PKHD1: variants seen among roughly 807,000 people sequenced by gnomAD.
The protein encoded by PKHD1 is fibrocystin.
PKHD1 carries 291 observed loss-of-function variants against 412.0 expected under a neutral mutation model. That is an observed-to-expected ratio of 0.71 (90% CI 0.64 to 0.78). PKHD1 has a LOEUF of 0.78. PKHD1 is among the 30% of genes least tolerant of loss of function. The pLI, the probability that PKHD1 is intolerant of heterozygous loss-of-function variation, is 0.00. For missense variants in PKHD1, 4,825 were observed against 4,950.7 expected (o/e 0.97, Z 0.76); for synonymous variants, 1,777 against 1,821.5 (o/e 0.98, Z 0.62).
rs1805754682 is a variant in PKHD1, at chr6:52,046,033, G to A, written c.2563C>T (p.Gln855Ter). The change falls in exon 24 of 67, where the codon CAG becomes TAG. Residue 855 changes from glutamine to a stop codon, truncating the protein, a stop_gained. Transcript: ENST00000371117. LOFTEE classifies it high-confidence loss of function. ...EHVWTLSWST[Q>*]IGDLPNFIRV... ...ATAAAATTGGGCAAATCCCCAATCT[G>A]AGTGGACCAGGACAAGGTCCACACG... The A allele has an allele frequency of 6.2e-7, 1 of 1,613,328 alleles. No individual in the cohort carries two copies. Among genetic ancestry groups the A allele is most frequent in the Non-Finnish European group, 8.5e-7 (1 of 1,179,610 alleles).
intron 36 of PKHD1, among the ~76,000 whole-genome samples, chr6:51,937,329 G>A (rs1051661144): frequency 1.3e-5 from 2 of 152,106 alleles, no homozygotes; most frequent in African/African-American, 2.4e-5. Flanking sequence ...AAACCAAGCT[G>A]TAGCCTGACC....
At chr6:51,654,488 A>G (rs1282889423) in intron 61 of PKHD1, among the ~76,000 whole-genome samples, 1 of 152,136 alleles carries the variant, frequency 6.6e-6, no homozygotes, top group Non-Finnish European at 1.5e-5. Context: ...AGAGTCTATT[A>G]TATTTACCTA....
intron 57 of PKHD1, among the ~76,000 whole-genome samples, chr6:51,751,267 G>A (rs1786072232): frequency 6.6e-6 from 1 of 151,828 alleles, no homozygotes; most frequent in African/African-American, 2.4e-5. Context: ...TAACAAATCA[G>A]TACCCATATC....
intron 57 of PKHD1, among the ~76,000 whole-genome samples, chr6:51,751,575 T>C (rs1051494417): frequency 2.6e-5 from 4 of 152,188 alleles, no homozygotes. Context: ...TCCAAAATTA[T>C]TACAAAATTA....
At position 51,754,957 on chromosome 6, in the gene PKHD1, G is replaced by A; in HGVS notation, c.8643-19C>T. The A allele has an allele frequency of 1.2e-6, 2 of 1,607,766 alleles. No homozygotes were observed. Among genetic ancestry groups the A allele is most frequent in the South Asian group, 2.2e-5 (2 of 90,958 alleles). The stretch of plus-strand genomic sequence containing the variant: ...TATAATTCTGTAACAGCATAACAAT[G>A]GCATTGGATATACTAACAGTGCAGC... On this transcript the variant is annotated intron_variant, in intron 55 of 66. Coordinates refer to ENST00000371117, the MANE Select transcript of PKHD1 (RefSeq NM_138694.4).
rs768138709 is a variant in PKHD1 at position 51,753,303 on chromosome 6, C to G, written c.8848G>C (p.Val2950Leu). The G allele has an allele frequency of 2.5e-6, 4 of 1,613,776 alleles. No homozygotes were observed. The East Asian group carries it at 8.9e-5, about 36-fold the overall frequency. ...DGRHIRLAAEVGLLTRNIQIQ... is the reference protein window; with the variant it reads ...DGRHIRLAAELGLLTRNIQIQ... ...TGTATATTTCGGGTCAACAGTCCAA[C>G]CTCAGCAGCCAAACGAATGTGTCGG... The change falls in exon 57 of 67, where the codon GTT becomes CTT. Residue 2950 changes from valine (V) to leucine (L), a missense_variant. Val to Leu is a conservative substitution (Grantham distance 32). Coordinates refer to ENST00000371117, the MANE Select transcript of PKHD1 (RefSeq NM_138694.4).
In PKHD1 at chr6:51,856,280, A is replaced by G. The variant is rs114380035; in HGVS notation, c.7734-210T>C. Among the ~76,000 whole-genome samples the G allele has an allele frequency of 2.4e-3, 372 of 152,222 alleles. 3 individuals carry two copies. Among genetic ancestry groups the G allele is most frequent in the African/African-American group, 8.0e-3 (332 of 41,530 alleles). On this transcript the variant is annotated intron_variant, in intron 48 of 66. Coordinates refer to ENST00000371117, the MANE Select transcript of PKHD1 (RefSeq NM_138694.4). Reference sequence around the variant, plus strand: ...GGAAGTTGCCATTGGATCATTTGCAAATTACAATGTCCTGGTGAACTGGAG... The same window carrying G: ...GGAAGTTGCCATTGGATCATTTGCAGATTACAATGTCCTGGTGAACTGGAG...
chr6:51,910,173 T>C (rs1471022887), intron 39 of PKHD1, among the ~76,000 whole-genome samples: 1 of 152,056 alleles, frequency 6.6e-6, no homozygotes, highest in Non-Finnish European at 1.5e-5. Context: ...ACAACTACTA[T>C]TGCTACCAAA....
rs759331342 is a variant in PKHD1, at chr6:51,855,976, G to A, written c.7828C>T (p.Pro2610Ser). 1 of 1,612,162 alleles carries A rather than the reference G, an allele frequency of 6.2e-7. No homozygotes were observed. The highest frequency in any genetic ancestry group is 8.5e-7 in the Non-Finnish European group (1 of 1,178,220). ...AAGAGCAGAGCCATCCAGCCACGAGGGTTAGACAATGTATCACGTACATAA... is the reference window on the plus strand; with the variant it reads ...AAGAGCAGAGCCATCCAGCCACGAGAGTTAGACAATGTATCACGTACATAA... The part of the protein sequence containing the change: ...VNYVRDTLSN[P>S]RGWMALLLDQ... Residue 2610 changes from proline (P) to serine (S), a missense_variant, in exon 49 of 67, where the codon CCT becomes TCT. Coordinates refer to ENST00000371117, the MANE Select transcript of PKHD1 (RefSeq NM_138694.4).
chr6:51,871,119 G>C (rs1455014226), intron 46 of PKHD1, among the ~76,000 whole-genome samples: 1 of 152,148 alleles, frequency 6.6e-6, no homozygotes, highest in Non-Finnish European at 1.5e-5. Context: ...AACTTTGGCA[G>C]TTTCTTATAA....
chr6:52,042,980 C>A lies in PKHD1; in HGVS notation c.2976G>T (p.Met992Ile), dbSNP rs751148105. The A allele has an allele frequency of 1.1e-5, 17 of 1,614,018 alleles. 1 individual carries two copies. In the South Asian group the frequency reaches 1.9e-4, roughly 18 times the overall value. The change falls in exon 27 of 67, where the codon ATG (methionine) becomes ATT (isoleucine). Residue 992 changes from methionine (M) to isoleucine (I), a missense_variant. By Grantham distance (10) the Met-to-Ile change is conservative (BLOSUM62 1). Transcript: ENST00000371117. ...VCQTDLLPVG[M>I]HRILMLVRPS... The stretch of plus-strand genomic sequence containing the variant: ...GTCTCACCAACATCAAGATCCGATG[C>A]ATTCCAACAGGTAGCAAATCTGTCT...
chr6:51,627,461 C>T (rs1455642067), intron 65 of PKHD1, among the ~76,000 whole-genome samples: 1 of 151,846 alleles, frequency 6.6e-6, no homozygotes, highest in East Asian at 1.9e-4. Flanking sequence ...TCATTACATG[C>T]TGGAATAATA....
At chr6:51,824,691 A>C (rs1047637709) in intron 52 of PKHD1, among the ~76,000 whole-genome samples, 2 of 152,216 alleles carry the variant, frequency 1.3e-5, no homozygotes, top group Non-Finnish European at 2.9e-5. Flanking sequence ...GGAAAGTTCA[A>C]CTGTTGTCTC....
intron 50 of PKHD1, among the ~76,000 whole-genome samples, chr6:51,842,595 C>A (rs7756863): frequency 6.6e-6 from 1 of 152,138 alleles, no homozygotes; most frequent in African/African-American, 2.4e-5. Flanking sequence ...AACCTCCCCC[C>A]GCCTCCCTCC....
intron 37 of PKHD1, among the ~76,000 whole-genome samples, chr6:51,920,965 G>A (rs1335886686): frequency 6.6e-6 from 1 of 151,990 alleles, no homozygotes; most frequent in Non-Finnish European, 1.5e-5. Context: ...GATAGGTGGT[G>A]GTATCCCCTT....
chr6:51,753,234 A>G lies in PKHD1; in HGVS notation c.8917T>C (p.Ser2973Pro), dbSNP rs751737027. 1.2e-6 allele frequency: 2 copies of G among 1,613,742 alleles called. No homozygotes were observed. Among genetic ancestry groups the G allele is most frequent in the Non-Finnish European group, 1.7e-6 (2 of 1,179,766 alleles). The stretch of plus-strand genomic sequence containing the variant: ...TCTTCTCGGCTGGACTTCCTGAAGG[A>G]CCCCACAAACAGTCTCCCCCTACAT... ...VSCRGRLFVG[S>P]FRKSSREEFS... Residue 2973 changes from serine (S) to proline (P), a missense_variant, in exon 57 of 67, where the codon TCC becomes CCC. Physicochemically the swap from Ser to Pro is moderately conservative, Grantham distance 74 (BLOSUM62 -1). Coordinates refer to ENST00000371117, the MANE Select transcript of PKHD1 (RefSeq NM_138694.4).
chr6:51,834,873 T>A (rs1326452233), intron 51 of PKHD1, among the ~76,000 whole-genome samples: 1 of 152,214 alleles, frequency 6.6e-6, no homozygotes, highest in Non-Finnish European at 1.5e-5. Context: ...CATTAGAGGC[T>A]ACATTGTATA....
chr6:51,896,981 T>C (rs1304572191), intron 43 of PKHD1, among the ~76,000 whole-genome samples: 3 of 151,462 alleles, frequency 2.0e-5, no homozygotes, highest in East Asian at 1.9e-4. Context: ...TAAAAAGAAA[T>C]GAGCAAAGCC....
intron 60 of PKHD1, among the ~76,000 whole-genome samples, chr6:51,708,313 T>C (rs1780247591): frequency 6.6e-6 from 1 of 152,170 alleles, no homozygotes; most frequent in Admixed American, 6.6e-5. Context: ...TCCATGTATT[T>C]CTCATGTAAT....
Sources: allele counts gnomAD v4.1 joint callset (sites outside exome capture counted in the v4.1 genomes callset), GRCh38; gene constraint gnomAD v4.1.1; transcripts MANE v1.5; gene names NCBI Gene and HGNC (gene_info 2026-07-23, HGNC 2026-07-21).